The following PDE12 variants were observed in gnomAD, a reference collection of about 807,000 sequenced individuals.
The protein encoded by PDE12 is phosphodiesterase 12.
Under a neutral mutation model 45.4 loss-of-function variants are expected in PDE12, and 26 were observed. The observed-to-expected ratio is 0.57, with a 90% CI of 0.42 to 0.79. The LOEUF (loss-of-function observed/expected upper bound fraction) is 0.79. PDE12 is among the 30% of genes least tolerant of loss of function. The probability of loss-of-function intolerance (pLI) is 0.00; values close to 1 mark genes in which losing one functional copy is unlikely to be tolerated. For synonymous variants in PDE12, 283 were observed against 323.9 expected (o/e 0.87, Z 1.36); for missense variants, 668 against 790.0 (o/e 0.85, Z 1.85).
the PDE12 span, among the ~76,000 whole-genome samples, chr3:57,645,095 G>T: frequency 6.6e-6 from 1 of 152,008 alleles, no homozygotes; most frequent in Non-Finnish European, 1.5e-5. Flanking sequence ...AGATTGAAAA[G>T]ATTTTTCATA....
At chr3:57,625,202 AC>A in the PDE12 span, among the ~76,000 whole-genome samples, 1 of 152,158 alleles carries the variant, frequency 6.6e-6, no homozygotes, top group Non-Finnish European at 1.5e-5. Context: ...ACCACATACG[AC>A]CAATATTTTT....
chr3:57,634,293 C>A, the PDE12 span, among the ~76,000 whole-genome samples: 2 of 151,928 alleles, frequency 1.3e-5, no homozygotes, highest in South Asian at 2.1e-4. Flanking sequence ...ATTAGCCAGG[C>A]ATGATGGTGC....
chr3:57,597,373 G>T, the PDE12 span: 1 of 405,974 alleles, frequency 2.5e-6, no homozygotes, highest in Non-Finnish European at 4.5e-6. Context: ...CTAGCCTTTA[G>T]GCTCTGGCTG....
chr3:57,612,499 A>T, the PDE12 span, among the ~76,000 whole-genome samples: 256 of 152,226 alleles, frequency 1.7e-3, no homozygotes, highest in African/African-American at 6.0e-3. Context: ...ATATTCCATT[A>T]TGGTGGCTCA....
chr3:57,605,220 T>C, the PDE12 span, among the ~76,000 whole-genome samples: 1 of 151,350 alleles, frequency 6.6e-6, no homozygotes, highest in African/African-American at 2.4e-5. Context: ...GAGCCGAGAG[T>C]CTAGGAAAAC....
chr3:57,653,941 CT>C, the PDE12 span, among the ~76,000 whole-genome samples: 466 of 75,808 alleles, frequency 6.1e-3, no homozygotes, highest in Non-Finnish European at 8.4e-3. Context: ...TAGAAATTCA[CT>C]TTTTTTTTTT....
At chr3:57,653,765 G>A in the PDE12 span, among the ~76,000 whole-genome samples, 1 of 147,828 alleles carries the variant, frequency 6.8e-6, no homozygotes, top group African/African-American at 2.5e-5. Context: ...AAAAAAAAAG[G>A]TAGCGTGCTC....
chr3:57,655,036 A>ATT, the PDE12 span: 730 of 149,840 alleles, frequency 4.9e-3, 3 homozygotes, highest in African/African-American at 0.017. Flanking sequence ...GAAAACAAGA[A>ATT]TTTTTTTTTT....
At chr3:57,616,623 G>A in the PDE12 span, among the ~76,000 whole-genome samples, 225 of 152,272 alleles carry the variant, frequency 1.5e-3, 2 homozygotes, top group African/African-American at 5.2e-3. Context: ...TAGCTTAACT[G>A]CTAAATTCTA....
the PDE12 span, among the ~76,000 whole-genome samples, chr3:57,614,867 C>T: frequency 6.6e-6 from 1 of 151,400 alleles, no homozygotes; most frequent in South Asian, 2.1e-4. Flanking sequence ...GTGGCAGGCG[C>T]TTGTAATACC....
At chr3:57,585,418 C>G in the PDE12 span, among the ~76,000 whole-genome samples, 3 of 152,026 alleles carry the variant, frequency 2.0e-5, no homozygotes, top group Non-Finnish European at 4.4e-5. Flanking sequence ...GCCAATTTTA[C>G]CCCTGCTTAA....
At position 57,559,558 on chromosome 3, in the gene PDE12, A is replaced by G. The variant is rs1467757709; in HGVS notation, c.1388-4A>G. The G allele has an allele frequency of 1.3e-6, 2 of 1,594,202 alleles. No individual in the cohort carries two copies. The highest frequency in any genetic ancestry group is 1.7e-6 in the Non-Finnish European group (2 of 1,169,784). ...ACTTACATTAATGTTTTTTATATTCATAGGTGGGTATATTCGCCTCATTCA... is the reference window on the plus strand; with the variant it reads ...ACTTACATTAATGTTTTTTATATTCGTAGGTGGGTATATTCGCCTCATTCA... On this transcript the variant is annotated splice_polypyrimidine_tract_variant and splice_region_variant and intron_variant, in intron 2 of 2. Coordinates refer to ENST00000311180, the MANE Select transcript of PDE12 (RefSeq NM_177966.7).
At chr3:57,590,129 AAAT>A in the PDE12 span, among the ~76,000 whole-genome samples, 27 of 145,806 alleles carry the variant, frequency 1.9e-4, no homozygotes, top group Admixed American at 3.4e-4. Context: ...ATAAATAAAT[AAAT>A]AAAACAAAAA....
chr3:57,613,239 C>A, the PDE12 span, among the ~76,000 whole-genome samples: 1 of 151,212 alleles, frequency 6.6e-6, no homozygotes, highest in Non-Finnish European at 1.5e-5. Flanking sequence ...CCTCGGCCTC[C>A]CAAAGTGCTA....
the PDE12 span, among the ~76,000 whole-genome samples, chr3:57,617,707 T>A: frequency 2.0e-5 from 3 of 151,480 alleles, no homozygotes; most frequent in Non-Finnish European, 2.9e-5. Flanking sequence ...TACAAAGAAA[T>A]TTTTTTTAAA....
the PDE12 span, among the ~76,000 whole-genome samples, chr3:57,655,413 A>T: frequency 6.6e-6 from 1 of 152,252 alleles, no homozygotes; most frequent in Non-Finnish European, 1.5e-5. Flanking sequence ...AGGAGACAAG[A>T]CATGTGCTAA....
chr3:57,641,587 T>A, the PDE12 span: 2 of 1,344,778 alleles, frequency 1.5e-6, no homozygotes, highest in African/African-American at 3.0e-5. Context: ...TAATCAAGGA[T>A]GAAAAGAAAG....
chr3:57,597,394 CGCGGCGGCCGCGGCGACTCCA>C, the PDE12 span: 293 of 329,664 alleles, frequency 8.9e-4, no homozygotes, highest in African/African-American at 5.7e-3. Flanking sequence ...TGCCACGTCA[CGCGGCGGCCGCGGCGACTCCA>C]GCAGCGGCCC....
At chr3:57,616,833 G>T in the PDE12 span, among the ~76,000 whole-genome samples, 1 of 152,116 alleles carries the variant, frequency 6.6e-6, no homozygotes, top group Non-Finnish European at 1.5e-5. Context: ...AGACCAGCCT[G>T]GGCAACACGG....
Sources: gnomAD v4.1 joint callset for allele counts (sites outside exome capture counted in the v4.1 genomes callset) on GRCh38, gnomAD v4.1.1 for gene constraint, MANE v1.5 for transcripts, NCBI Gene and HGNC (gene_info 2026-07-23, HGNC 2026-07-21) for gene names.